The following ARGFX variants were observed in gnomAD, a reference collection of about 807,000 sequenced individuals.
ARGFX encodes arginine-fifty homeobox.
ARGFX carries 10 observed loss-of-function variants against 8.0 expected under a neutral mutation model. That is an observed-to-expected ratio of 1.25 (90% CI 0.77 to 2.12). The LOEUF (loss-of-function observed/expected upper bound fraction) is 2.12. ARGFX is among the 30% of genes most tolerant of loss of function. The pLI is 0.00. For missense variants in ARGFX, 282 were observed against 324.3 expected, an observed-to-expected ratio of 0.87 and a Z score of 1.00; for synonymous variants, 116 against 117.8, an observed-to-expected ratio of 0.98 and a Z score of 0.10.
chr3:121,588,576 T>A lies in ARGFX; in HGVS notation c.*1976T>A, dbSNP rs940628771. Among the ~76,000 whole-genome samples the A allele has an allele frequency of 6.6e-6, 1 of 151,158 alleles. No individual in the cohort carries two copies. The highest frequency in any genetic ancestry group is 1.5e-5 in the Non-Finnish European group (1 of 67,692). On this transcript the variant is annotated 3_prime_UTR_variant, in exon 5 of 5. Transcript: ENST00000334384. ...AAGTACCTAGAAATTCACAAAAAAA[T>A]TAATACCTCTGTGGAGAAAACTTCA...
At position 121,568,026 on chromosome 3, in the gene ARGFX, G is replaced by A. The variant is rs1047346853; in HGVS notation, c.-13+13G>A. ...GGATTCGTGACAGGTAAGCATGGGG[G>A]AGCGGGGAGGGTAGCCAGAATGTGG... On this transcript the variant is annotated intron_variant, in intron 1 of 4. Coordinates refer to ENST00000334384, the MANE Select transcript of ARGFX (RefSeq NM_001012659.2). 1.3e-5 allele frequency among the ~76,000 whole-genome samples: 2 copies of A among 152,136 alleles called. No individual in the cohort carries two copies. The highest frequency in any genetic ancestry group is 2.4e-5 in the African/African-American group (1 of 41,436).
chr3:121,584,094 G>A (rs964982555), intron 3 of ARGFX, among the ~76,000 whole-genome samples: 25 of 152,030 alleles, frequency 1.6e-4, no homozygotes, highest in African/African-American at 5.3e-4. Context: ...CCAGAGGATT[G>A]CAGGAGCACA....
intron 3 of ARGFX, among the ~76,000 whole-genome samples, chr3:121,580,567 A>AGTGTGTGTGT (rs143363410): frequency 0.014 from 1,793 of 127,960 alleles, 42 homozygotes; most frequent in East Asian, 0.041. Flanking sequence ...TATAAAGAAA[A>AGTGTGTGTGT]GTGTGTGTGT....
At chr3:121,585,479 A>T (rs1223601108) in intron 4 of ARGFX, among the ~76,000 whole-genome samples, 3 of 152,270 alleles carry the variant, frequency 2.0e-5, no homozygotes, top group Admixed American at 1.3e-4. Context: ...CTAACCTCTG[A>T]GTCTGCTAAA....
chr3:121,586,076 G>C lies in ARGFX; in HGVS notation c.424G>C (p.Ala142Pro). The change falls in exon 5 of 5, where the codon GCA (alanine) becomes CCA (proline). Residue 142 changes from alanine to proline, a missense_variant. Physicochemically the swap from Ala to Pro is conservative, Grantham distance 27 (BLOSUM62 -1). Transcript: ENST00000334384. Reference sequence around the variant, plus strand: ...GAAGAAGCAGCAGCAGCAGCAATCAGCAAAGCAACGAAACCAGATCCTTCC... The same window carrying C: ...GAAGAAGCAGCAGCAGCAGCAATCACCAAAGCAACGAAACCAGATCCTTCC... ...KLKKQQQQQS[A>P]KQRNQILPSK... 1 of 1,599,568 alleles carries C rather than the reference G, an allele frequency of 6.3e-7. No homozygotes were observed. Among genetic ancestry groups the C allele is most frequent in the Non-Finnish European group, 8.5e-7 (1 of 1,174,330 alleles).
rs2048812330 is a variant in ARGFX, at chr3:121,586,274, A to C, written c.622A>C (p.Thr208Pro). 6.2e-7 allele frequency: 1 copy of C among 1,614,032 alleles called. No individual in the cohort carries two copies. The highest frequency in any genetic ancestry group is 1.3e-5 in the African/African-American group (1 of 74,908). Residue 208 changes from threonine (T) to proline (P), a missense_variant, in exon 5 of 5, where the codon ACT (threonine) becomes CCT (proline). Physicochemically the swap from Thr to Pro is conservative, Grantham distance 38. Transcript: ENST00000334384. ...SSTSDFQMQD[T>P]QWERLVASVP... ...TACCAGTGACTTCCAAATGCAAGAT[A>C]CTCAGTGGGAGAGGCTGGTGGCCTC...
intron 2 of ARGFX, among the ~76,000 whole-genome samples, chr3:121,575,550 C>T (rs915066345): frequency 5.9e-5 from 9 of 151,972 alleles, no homozygotes; most frequent in African/African-American, 1.9e-4. Flanking sequence ...AGAGCGAGCA[C>T]AGAAGCATGC....
chr3:121,570,154 T>G (rs2048698968), intron 1 of ARGFX, among the ~76,000 whole-genome samples: 1 of 152,198 alleles, frequency 6.6e-6, no homozygotes. Flanking sequence ...TTTTCCCTCT[T>G]AGGAAGAATT....
At chr3:121,570,388 C>A (rs987492921) in intron 1 of ARGFX, among the ~76,000 whole-genome samples, 6 of 152,196 alleles carry the variant, frequency 3.9e-5, no homozygotes, top group African/African-American at 1.4e-4. Context: ...AATCTGTGGT[C>A]ATTTGATCTC....
intron 3 of ARGFX, among the ~76,000 whole-genome samples, chr3:121,582,946 T>C (rs1463259301): frequency 1.3e-5 from 2 of 152,076 alleles, no homozygotes; most frequent in East Asian, 1.9e-4. Flanking sequence ...CCTCAAGCAA[T>C]TTTCCTGCCT....
chr3:121,572,045 G>A (rs1287107307), intron 2 of ARGFX, among the ~76,000 whole-genome samples: 1 of 151,420 alleles, frequency 6.6e-6, no homozygotes, highest in African/African-American at 2.4e-5. Flanking sequence ...TAGCCAGGAT[G>A]GTCTAGGATC....
At chr3:121,577,250 TATA>T (rs1560120549) in intron 3 of ARGFX, among the ~76,000 whole-genome samples, 4 of 55,308 alleles carry the variant, frequency 7.2e-5, no homozygotes, top group African/African-American at 2.8e-4. Flanking sequence ...TATATATATA[TATA>T]TATATATTTT....
rs2048702798 is a variant in ARGFX, at chr3:121,570,719, G to A, written c.6G>A (p.Arg2=). ...CATCTCAGATTTCAGAAACCATGAG[G>A]AACAGAATGGCCCCAGAGAATCCCC... M[R]NRMAPENPQP... is the part of the protein sequence containing the mutation. Residue 2 remains arginine, a synonymous_variant, in exon 2 of 5, where the codon AGG becomes AGA. Coordinates refer to ENST00000334384, the MANE Select transcript of ARGFX (RefSeq NM_001012659.2). 6.2e-7 allele frequency: 1 copy of A among 1,605,836 alleles called. No individual in the cohort carries two copies. Among genetic ancestry groups the A allele is most frequent in the South Asian group, 1.1e-5 (1 of 89,346 alleles).
intron 2 of ARGFX, among the ~76,000 whole-genome samples, chr3:121,571,311 C>T (rs764249926): frequency 6.6e-6 from 1 of 151,886 alleles, no homozygotes; most frequent in Admixed American, 6.6e-5. Context: ...TGTTTGTATA[C>T]AATGTTTACC....
chr3:121,577,257 A>ATTTTTTT (rs1451662475), intron 3 of ARGFX, among the ~76,000 whole-genome samples: 1 of 56,436 alleles, frequency 1.8e-5, no homozygotes, highest in African/African-American at 6.1e-5. Flanking sequence ...ATATATATAT[A>ATTTTTTT]TATTTTTTTT....
chr3:121,584,105 A>G (rs11707840), intron 3 of ARGFX, among the ~76,000 whole-genome samples: 41,626 of 151,716 alleles, frequency 0.27, 6,150 homozygotes, highest in East Asian at 0.61. Context: ...CAGGAGCACA[A>G]GAGTTCAAGG....
rs1256274346 is a variant in ARGFX at position 121,577,240 on chromosome 3, TATATATATATATA to T, written c.220+341_220+353del. On this transcript the variant is annotated intron_variant, in intron 3 of 4. Transcript: ENST00000334384. The stretch of plus-strand genomic sequence containing the variant: ...ATCTACATGTACATATATATATATA[TATATATATATATA>T]TATATATTTTTTTTTTTTTAAATGG... 5.6e-4 allele frequency among the ~76,000 whole-genome samples: 37 copies of T among 65,838 alleles called. 1 individual carries two copies. Among genetic ancestry groups the T allele is most frequent in the African/African-American group, 2.1e-3 (35 of 16,954 alleles). The allele number at this position is 65,838 out of a possible 152,430, so 43.2% of individuals were successfully genotyped here.
rs572611740 is a variant in ARGFX, at chr3:121,567,973, C to T, written c.-53C>T. Among the ~76,000 whole-genome samples, 36 of 151,926 alleles carry T rather than the reference C, an allele frequency of 2.4e-4. No individual in the cohort carries two copies. The Middle Eastern group carries it at 0.017, about 72-fold the overall frequency. On this transcript the variant is annotated 5_prime_UTR_variant, in exon 1 of 5. The change creates a new upstream start codon in the 5' untranslated region. Transcript: ENST00000334384. ...TGCATTTCCAGAGAGAGACACACCA[C>T]GTAGGACTGAAAATGGTTACTCTAA...
At chr3:121,584,425 T>C (rs901082626) in intron 3 of ARGFX, among the ~76,000 whole-genome samples, 2 of 152,198 alleles carry the variant, frequency 1.3e-5, no homozygotes, top group African/African-American at 2.4e-5. Context: ...CCTAGTTTTT[T>C]CTATTTCATA....
Sources: gnomAD v4.1 joint callset for allele counts (sites outside exome capture counted in the v4.1 genomes callset) on GRCh38, gnomAD v4.1.1 for gene constraint, MANE v1.5 for transcripts, NCBI Gene and HGNC (gene_info 2026-07-23, HGNC 2026-07-21) for gene names.